Variants in CNTN5 observed in about 807,000 individuals in gnomAD.
CNTN5 encodes the protein contactin-5.
Under a neutral mutation model 129.1 loss-of-function variants are expected in CNTN5, and 77 were observed. The ratio of observed to expected loss-of-function variants is 0.60; its 90% CI spans 0.50 to 0.72. CNTN5 has a LOEUF of 0.72. CNTN5 is among the 30% of genes least tolerant of loss of function. CNTN5 has a pLI of 0.00. For missense variants in CNTN5, 1,478 were observed against 1,328.8 expected (o/e 1.11, Z -1.75); for synonymous variants, 509 against 465.6 (o/e 1.09, Z -1.20).
intron 6 of CNTN5, among the ~76,000 whole-genome samples, chr11:99,909,572 A>T (rs371802462): frequency 3.9e-5 from 6 of 152,164 alleles, no homozygotes; most frequent in East Asian, 1.9e-4. Context: ...CAAATGTCCA[A>T]CAATGATAGA....
intron 4 of CNTN5, among the ~76,000 whole-genome samples, chr11:99,840,170 G>T (rs1337835715): frequency 6.6e-6 from 1 of 152,112 alleles, no homozygotes; most frequent in African/African-American, 2.4e-5. Context: ...TTACCAGAGG[G>T]TGGAAAAATA....
chr11:99,854,461 G>A (rs1219943218), intron 6 of CNTN5, among the ~76,000 whole-genome samples: 2 of 151,994 alleles, frequency 1.3e-5, no homozygotes, highest in Admixed American at 6.6e-5. Flanking sequence ...AGGTAAAAAG[G>A]GCTTGAATTC....
intron 1 of CNTN5, among the ~76,000 whole-genome samples, chr11:99,298,086 G>T (rs1036563843): frequency 1.3e-5 from 2 of 152,092 alleles, no homozygotes; most frequent in African/African-American, 4.8e-5. Context: ...GAGATTAAAG[G>T]ACCCAAGTGG....
chr11:99,824,520 A>G (rs1178703114), intron 4 of CNTN5, among the ~76,000 whole-genome samples: 2 of 152,010 alleles, frequency 1.3e-5, no homozygotes, highest in East Asian at 1.9e-4. Flanking sequence ...CATTGCGGAT[A>G]TATTTTCTCA....
intron 3 of CNTN5, among the ~76,000 whole-genome samples, chr11:99,771,442 T>C (rs1055174378): frequency 3.3e-5 from 5 of 152,092 alleles, no homozygotes; most frequent in Non-Finnish European, 1.5e-5. Context: ...TATATGTATT[T>C]ACACACAATG....
intron 2 of CNTN5, among the ~76,000 whole-genome samples, chr11:99,391,668 C>G (rs1278575673): frequency 6.6e-6 from 1 of 151,910 alleles, no homozygotes; most frequent in Non-Finnish European, 1.5e-5. Context: ...GGCATTAAGC[C>G]TCAGTTTTAT....
chr11:99,553,997 T>TACAC (rs1364112591), intron 2 of CNTN5, among the ~76,000 whole-genome samples: 1 of 26,410 alleles, frequency 3.8e-5, no homozygotes, highest in Non-Finnish European at 8.4e-5. Context: ...CACACACACA[T>TACAC]ACACACACAC....
chr11:100,231,538 G>T (rs1949488963), intron 16 of CNTN5, among the ~76,000 whole-genome samples: 1 of 152,142 alleles, frequency 6.6e-6, no homozygotes, highest in African/African-American at 2.4e-5. Context: ...GACTAACAGA[G>T]TTCCAAGTTA....
chr11:99,324,763 T>C (rs1865710170), intron 1 of CNTN5, among the ~76,000 whole-genome samples: 1 of 152,052 alleles, frequency 6.6e-6, no homozygotes, highest in Non-Finnish European at 1.5e-5. Flanking sequence ...TGCCTCAGCC[T>C]CCCAAGTAGC....
chr11:99,937,308 C>CATAT (rs1950336890), intron 7 of CNTN5, among the ~76,000 whole-genome samples: 1 of 152,142 alleles, frequency 6.6e-6, no homozygotes, highest in Admixed American at 6.6e-5. Context: ...GGAGGATAGC[C>CATAT]ATATAAATGC....
chr11:99,579,848 C>A (rs1184393543), intron 3 of CNTN5, among the ~76,000 whole-genome samples: 1 of 150,940 alleles, frequency 6.6e-6, no homozygotes, highest in African/African-American at 2.5e-5. Flanking sequence ...ACTGCCCTGG[C>A]CAGAACTTCC....
At chr11:99,994,701 T>G (rs1164685028) in intron 8 of CNTN5, among the ~76,000 whole-genome samples, 1 of 152,124 alleles carries the variant, frequency 6.6e-6, no homozygotes, top group African/African-American at 2.4e-5. Context: ...AATCGGAAAT[T>G]AAGTTTGAGG....
chr11:100,041,280 C>T (rs1046695554), intron 9 of CNTN5, among the ~76,000 whole-genome samples: 1 of 152,164 alleles, frequency 6.6e-6, no homozygotes, highest in Non-Finnish European at 1.5e-5. Flanking sequence ...ACTCTTGCCA[C>T]ACTAGATTGG....
chr11:100,281,982 T>C (rs1437590221), intron 18 of CNTN5, among the ~76,000 whole-genome samples: 3 of 144,930 alleles, frequency 2.1e-5, no homozygotes, highest in Non-Finnish European at 4.5e-5. Flanking sequence ...TTCTGAATTC[T>C]TTCTTGGCAT....
chr11:99,874,783 A>T (rs1254011794), intron 6 of CNTN5, among the ~76,000 whole-genome samples: 1 of 152,162 alleles, frequency 6.6e-6, no homozygotes, highest in Non-Finnish European at 1.5e-5. Context: ...TAATTTATGG[A>T]TTTAAATACA....
intron 13 of CNTN5, among the ~76,000 whole-genome samples, chr11:100,168,437 G>C (rs889447899): frequency 6.6e-6 from 1 of 151,930 alleles, no homozygotes. Flanking sequence ...TCCAAAAATT[G>C]TAGGGCTCTT....
chr11:100,351,657 T>TAAAAAAAAA (rs60798966), intron 24 of CNTN5, among the ~76,000 whole-genome samples: 10 of 103,596 alleles, frequency 9.7e-5, no homozygotes, highest in Non-Finnish European at 8.4e-5. Flanking sequence ...GTAGAGATAG[T>TAAAAAAAAA]AAAAAAAAAA....
At position 99,117,300 on chromosome 11, in the gene CNTN5, TCAG is replaced by T. The variant is rs546974922; in HGVS notation, c.-210+96033_-210+96035del. Among the ~76,000 whole-genome samples the T allele has an allele frequency of 3.4e-4, 52 of 152,228 alleles. 2 individuals carry two copies. The South Asian group carries it at 0.011, about 31-fold the overall frequency. On this transcript the variant is annotated intron_variant, in intron 1 of 24. Transcript: ENST00000524871. ...TCAAAAACTGAACTCACCCATATAATCAGCACACAGATTAAGAAACAGAGTATT... is the reference window on the plus strand; with the variant it reads ...TCAAAAACTGAACTCACCCATATAATCACACAGATTAAGAAACAGAGTATT...
At chr11:99,302,289 T>C (rs1864678514) in intron 1 of CNTN5, among the ~76,000 whole-genome samples, 1 of 151,630 alleles carries the variant, frequency 6.6e-6, no homozygotes, top group Admixed American at 6.6e-5. Flanking sequence ...AAAAGTTGGT[T>C]TGATGAAAAG....
Sources: allele counts gnomAD v4.1 joint callset (sites outside exome capture counted in the v4.1 genomes callset), GRCh38; gene constraint gnomAD v4.1.1; transcripts MANE v1.5; gene names NCBI Gene and HGNC (gene_info 2026-07-23, HGNC 2026-07-21).